The following PTBP2 variants were observed in gnomAD, a reference collection of about 807,000 sequenced individuals.
PTBP2 encodes the protein polypyrimidine tract binding protein 2.
Under a neutral mutation model 61.4 loss-of-function variants are expected in PTBP2, and 13 were observed. The ratio of observed to expected loss-of-function variants is 0.21; its 90% CI spans 0.14 to 0.34. PTBP2 has a LOEUF of 0.34. Among genes scored for constraint, PTBP2 ranks in the 10% least tolerant of loss-of-function variants. The probability of loss-of-function intolerance (pLI) is 1.00; values close to 1 mark genes in which losing one functional copy is unlikely to be tolerated. For missense variants in PTBP2, 405 were observed against 642.6 expected (o/e 0.63, Z 4.00); for synonymous variants, 215 against 218.5 (o/e 0.98, Z 0.14).
intron 11 of PTBP2, among the ~76,000 whole-genome samples, chr1:96,807,336 C>A (rs1253700668): frequency 6.6e-6 from 1 of 152,104 alleles, no homozygotes; most frequent in African/African-American, 2.4e-5. Flanking sequence ...TATTTTAATT[C>A]TTCTAAAGTC....
At chr1:96,796,366 T>C (rs1244684007) in intron 8 of PTBP2, among the ~76,000 whole-genome samples, 2 of 152,096 alleles carry the variant, frequency 1.3e-5, no homozygotes, top group Admixed American at 6.5e-5. Context: ...CATTATTCTT[T>C]CCTGTCACCA....
At chr1:96,723,712 G>T in intron 2 of PTBP2, 118 bp downstream of exon 2, 1 of 861,306 alleles carries the variant, frequency 1.2e-6, no homozygotes, top group Non-Finnish European at 1.8e-6. Context: ...AGTGTAAAAT[G>T]TTTCCTTTCA....
intron 2 of PTBP2, among the ~76,000 whole-genome samples, chr1:96,741,898 T>G (rs923596886): frequency 6.6e-6 from 1 of 152,214 alleles, no homozygotes; most frequent in African/African-American, 2.4e-5. Flanking sequence ...CTCTTCAGGT[T>G]TCCGTATATT....
chr1:96,739,157 A>G (rs1652636162), intron 2 of PTBP2, among the ~76,000 whole-genome samples: 1 of 151,984 alleles, frequency 6.6e-6, no homozygotes, highest in Non-Finnish European at 1.5e-5. Flanking sequence ...TTCTTTATAT[A>G]TTTTCTCTAT....
intron 7 of PTBP2, 124 bp from the exon 8 acceptor site, chr1:96,784,935 G>A (rs1199805433): frequency 2.2e-5 from 16 of 738,272 alleles, no homozygotes; most frequent in Non-Finnish European, 3.3e-5. Flanking sequence ...TATGAAATTT[G>A]AATCCTTTTC....
At chr1:96,781,724 G>C (rs570842446) in intron 7 of PTBP2, among the ~76,000 whole-genome samples, 2 of 151,766 alleles carry the variant, frequency 1.3e-5, no homozygotes, top group African/African-American at 2.4e-5. Flanking sequence ...ATTTTCTGTC[G>C]GACTGTAAGT....
chr1:96,745,581 T>A (rs1176216720), intron 2 of PTBP2, among the ~76,000 whole-genome samples: 1 of 152,188 alleles, frequency 6.6e-6, no homozygotes, highest in East Asian at 1.9e-4. Context: ...TTAGTTTTTT[T>A]TTAGTTTATG....
At chr1:96,772,184 C>G (rs1657459656) in intron 5 of PTBP2, among the ~76,000 whole-genome samples, 1 of 152,082 alleles carries the variant, frequency 6.6e-6, no homozygotes, top group Non-Finnish European at 1.5e-5. Flanking sequence ...TCCCACAACC[C>G]CCTTTTTGGA....
At chr1:96,730,847 C>T (rs911308888) in intron 2 of PTBP2, among the ~76,000 whole-genome samples, 5 of 152,186 alleles carry the variant, frequency 3.3e-5, no homozygotes, top group Non-Finnish European at 1.5e-5. Flanking sequence ...CAAACATGGA[C>T]TCATTTGTTT....
intron 2 of PTBP2, among the ~76,000 whole-genome samples, chr1:96,743,567 T>G (rs1253200862): frequency 6.6e-6 from 1 of 152,158 alleles, no homozygotes; most frequent in Non-Finnish European, 1.5e-5. Flanking sequence ...TTTTTTTCTG[T>G]GTATATTAGA....
At chr1:96,744,669 G>T (rs1653504370) in intron 2 of PTBP2, among the ~76,000 whole-genome samples, 3 of 152,044 alleles carry the variant, frequency 2.0e-5, no homozygotes, top group African/African-American at 7.2e-5. Flanking sequence ...GATAGTATTG[G>T]CTATCTATGT....
chr1:96,773,081 G>A (rs1004720000), intron 5 of PTBP2, among the ~76,000 whole-genome samples: 6 of 142,746 alleles, frequency 4.2e-5, no homozygotes, highest in African/African-American at 1.1e-4. Flanking sequence ...TCCCAGATGC[G>A]TCACTGCACT....
exon 14 of PTBP2, chr1:96,821,539 A>C (rs1297831688): frequency 2.0e-5 from 3 of 152,066 alleles, no homozygotes; most frequent in Non-Finnish European, 2.9e-5. Flanking sequence ...ATAGCTCCTA[A>C]AAATATGGAT....
intron 2 of PTBP2, among the ~76,000 whole-genome samples, chr1:96,725,226 C>T (rs898102961): frequency 3.3e-5 from 5 of 151,526 alleles, no homozygotes; most frequent in African/African-American, 1.2e-4. Flanking sequence ...GTAGACAAGG[C>T]TCAGAATGAG....
Position 96,812,405 on chromosome 1 carries a change from G to A in PTBP2, c.1172-307G>A, listed in dbSNP as rs375743274. Among the ~76,000 whole-genome samples the A allele has an allele frequency of 8.5e-5, 13 of 152,280 alleles. 1 individual carries two copies. Among genetic ancestry groups the A allele is most frequent in the African/African-American group, 3.1e-4 (13 of 41,574 alleles). On this transcript the variant is annotated intron_variant, in intron 11 of 13. Coordinates refer to ENST00000674951, the MANE Select transcript of PTBP2 (RefSeq NM_021190.4). ...ATGTGTAACAGAAGGGAGAAAAAGA[G>A]CTAGGGATGCTTATTAAGTTTCTTT...
At chr1:96,786,654 C>T (rs1377217397) in intron 8 of PTBP2, among the ~76,000 whole-genome samples, 5 of 152,134 alleles carry the variant, frequency 3.3e-5, no homozygotes, top group Non-Finnish European at 7.4e-5. Context: ...ATTCATTCAG[C>T]TAGGCACTTG....
chr1:96,750,271 A>C (rs969316514), intron 2 of PTBP2, among the ~76,000 whole-genome samples: 1 of 152,058 alleles, frequency 6.6e-6, no homozygotes, highest in Admixed American at 6.6e-5. Context: ...AATTCTGCTC[A>C]TCATGTTCTT....
intron 3 of PTBP2, among the ~76,000 whole-genome samples, chr1:96,756,984 TG>T (rs1404449233): frequency 6.6e-6 from 1 of 152,120 alleles, no homozygotes; most frequent in Admixed American, 6.5e-5. Flanking sequence ...ATGTGCCATC[TG>T]GTGGGAGATG....
chr1:96,764,019 C>T (rs1380523935), intron 3 of PTBP2, among the ~76,000 whole-genome samples: 1 of 152,150 alleles, frequency 6.6e-6, no homozygotes, highest in Non-Finnish European at 1.5e-5. Flanking sequence ...AGATATAGTA[C>T]AGGATTTCAT....
Sources: allele counts gnomAD v4.1 joint callset (sites outside exome capture counted in the v4.1 genomes callset), GRCh38; gene constraint gnomAD v4.1.1; transcripts MANE v1.5; gene names NCBI Gene and HGNC (gene_info 2026-07-23, HGNC 2026-07-21).